Variants in AUTS2 observed in about 807,000 individuals in gnomAD.
AUTS2 encodes autism susceptibility gene 2 protein.
Under a neutral mutation model 112.4 loss-of-function variants are expected in AUTS2, and 17 were observed. The ratio of observed to expected loss-of-function variants is 0.15; its 90% CI spans 0.10 to 0.23. AUTS2 has a LOEUF of 0.23. Ranked by LOEUF, AUTS2 falls within the 10% of genes least tolerant of loss-of-function variation. The probability of loss-of-function intolerance (pLI) is 1.00; values close to 1 mark genes in which losing one functional copy is unlikely to be tolerated. For synonymous variants in AUTS2, 751 were observed against 702.7 expected, an observed-to-expected ratio of 1.07 and a Z score of -1.09; for missense variants, 1,510 against 1,701.6, an observed-to-expected ratio of 0.89 and a Z score of 1.98.
chr7:70,715,761 A>ACCTCAAGCCATCCACCTGC (rs1307463164), intron 6 of AUTS2, among the ~76,000 whole-genome samples: 1 of 151,872 alleles, frequency 6.6e-6, no homozygotes, highest in African/African-American at 2.4e-5. Context: ...CCAACCCCTG[A>ACCTCAAGCCATCCACCTGC]CCTCAAGCCA....
chr7:69,923,879 T>C (rs1795907768), intron 2 of AUTS2, among the ~76,000 whole-genome samples: 1 of 152,210 alleles, frequency 6.6e-6, no homozygotes, highest in South Asian at 2.1e-4. Context: ...TGGATGATCA[T>C]ATTTTTAGTG....
At chr7:70,728,663 G>C (rs1276773842) in intron 6 of AUTS2, among the ~76,000 whole-genome samples, 8 of 143,622 alleles carry the variant, frequency 5.6e-5, no homozygotes, top group African/African-American at 2.1e-4. Context: ...AGCCATGATT[G>C]TGCCACTGCA....
At position 70,708,559 on chromosome 7, in the gene AUTS2, C is replaced by A. The variant is rs142659855; in HGVS notation, c.742+9939C>A. ...TTTAAATGTATTTTGAAATGTTTTT[C>A]AAGTGGTATAATAGCAAACTCACTA... On this transcript the variant is annotated intron_variant, in intron 6 of 18. Coordinates refer to ENST00000342771, the MANE Select transcript of AUTS2 (RefSeq NM_015570.4). 1.1e-3 allele frequency among the ~76,000 whole-genome samples: 160 copies of A among 151,572 alleles called. 1 individual carries two copies. The highest frequency in any genetic ancestry group is 2.7e-3 in the Admixed American group (41 of 15,212).
At chr7:70,393,139 G>A (rs1340941837) in intron 4 of AUTS2, among the ~76,000 whole-genome samples, 1 of 152,188 alleles carries the variant, frequency 6.6e-6, no homozygotes, top group Non-Finnish European at 1.5e-5. Flanking sequence ...TCTGGGGTGT[G>A]CATTTGCACA....
chr7:70,350,642 A>G (rs769842140), intron 4 of AUTS2, among the ~76,000 whole-genome samples: 9 of 152,150 alleles, frequency 5.9e-5, no homozygotes, highest in Non-Finnish European at 1.0e-4. Context: ...GGGAGCTACA[A>G]TTCAAGATGA....
chr7:70,633,805 TAC>T (rs1378591963), intron 5 of AUTS2, among the ~76,000 whole-genome samples: 1 of 152,118 alleles, frequency 6.6e-6, no homozygotes, highest in South Asian at 2.1e-4. Context: ...TAGGAAATAA[TAC>T]ACTTTCCTAA....
At chr7:70,588,721 A>C (rs1480441437) in intron 5 of AUTS2, among the ~76,000 whole-genome samples, 1 of 152,138 alleles carries the variant, frequency 6.6e-6, no homozygotes, top group Admixed American at 6.6e-5. Flanking sequence ...ATTTTTCATA[A>C]TGTCACAGAT....
chr7:70,348,720 G>C (rs1220902062), intron 4 of AUTS2, among the ~76,000 whole-genome samples: 1 of 152,206 alleles, frequency 6.6e-6, no homozygotes, highest in African/African-American at 2.4e-5. Flanking sequence ...TGAGGCAGGA[G>C]AATGGCGTGA....
chr7:69,609,744 A>G (rs1792927597), intron 1 of AUTS2, among the ~76,000 whole-genome samples: 1 of 152,256 alleles, frequency 6.6e-6, no homozygotes, highest in Non-Finnish European at 1.5e-5. Context: ...AATACTTAAA[A>G]TATTAAATCC....
chr7:70,411,768 A>G (rs1794786806), intron 4 of AUTS2, among the ~76,000 whole-genome samples: 1 of 152,178 alleles, frequency 6.6e-6, no homozygotes, highest in African/African-American at 2.4e-5. Context: ...ATAGGGGAAT[A>G]TAGACTATCT....
chr7:69,857,519 C>T lies in AUTS2; in HGVS notation c.310-41767C>T, dbSNP rs116347884. Among the ~76,000 whole-genome samples, 445 of 152,312 alleles carry T rather than the reference C, an allele frequency of 2.9e-3. 5 individuals are homozygous for T. Among genetic ancestry groups the T allele is most frequent in the African/African-American group, 0.01 (431 of 41,576 alleles). On this transcript the variant is annotated intron_variant, in intron 1 of 18. Transcript: ENST00000342771. ...CAGATTATAATTGCTATAATTGCTT[C>T]TACCTCATTCTCTGAAGGGAGGAAA...
intron 6 of AUTS2, among the ~76,000 whole-genome samples, chr7:70,761,144 G>A (rs755960853): frequency 3.3e-5 from 5 of 152,284 alleles, no homozygotes; most frequent in East Asian, 1.9e-4. Context: ...ACAACAGTAC[G>A]TAAACAGAAA....
chr7:70,641,328 T>A (rs1805817088), intron 5 of AUTS2, among the ~76,000 whole-genome samples: 1 of 151,928 alleles, frequency 6.6e-6, no homozygotes, highest in African/African-American at 2.4e-5. Flanking sequence ...GGCAGGCGGA[T>A]CACAAGGTCA....
chr7:70,197,653 C>T (rs1810262344), intron 4 of AUTS2, among the ~76,000 whole-genome samples: 2 of 33,472 alleles, frequency 6.0e-5, no homozygotes, highest in African/African-American at 2.5e-4. Context: ...AAACGGCGCA[C>T]CACGAGACTA....
chr7:70,780,089 C>T (rs1301219846), intron 14 of AUTS2, among the ~76,000 whole-genome samples: 1 of 151,194 alleles, frequency 6.6e-6, no homozygotes, highest in Non-Finnish European at 1.5e-5. Context: ...ACCCAGGAGA[C>T]TGATGGGGAA....
At chr7:70,348,392 T>A (rs1791591983) in intron 4 of AUTS2, among the ~76,000 whole-genome samples, 1 of 152,222 alleles carries the variant, frequency 6.6e-6, no homozygotes, top group African/African-American at 2.4e-5. Context: ...AAAGAGGATC[T>A]GATATGTGTC....
intron 1 of AUTS2, among the ~76,000 whole-genome samples, chr7:69,780,586 A>G (rs1789102097): frequency 6.6e-6 from 1 of 152,180 alleles, no homozygotes; most frequent in Admixed American, 6.5e-5. Flanking sequence ...TGCTAATTTC[A>G]CAGGTGACTG....
At chr7:70,055,597 A>C (rs1403922815) in intron 2 of AUTS2, among the ~76,000 whole-genome samples, 2 of 152,216 alleles carry the variant, frequency 1.3e-5, no homozygotes, top group African/African-American at 4.8e-5. Context: ...AGCTTTTCCC[A>C]GTTTCCAGAC....
At chr7:69,977,154 T>G (rs956523410) in intron 2 of AUTS2, among the ~76,000 whole-genome samples, 4 of 152,242 alleles carry the variant, frequency 2.6e-5, no homozygotes, top group Non-Finnish European at 4.4e-5. Flanking sequence ...TTTATTCTTT[T>G]GCATGTGAGC....
Sources: allele counts gnomAD v4.1 joint callset (sites outside exome capture counted in the v4.1 genomes callset), GRCh38; gene constraint gnomAD v4.1.1; transcripts MANE v1.5; gene names NCBI Gene and HGNC (gene_info 2026-07-23, HGNC 2026-07-21).